CACNA2D1: variants seen among roughly 807,000 people sequenced by gnomAD.
CACNA2D1 encodes calcium voltage-gated channel auxiliary subunit alpha2delta 1, also known as voltage-dependent calcium channel subunit alpha-2/delta-1.
CACNA2D1 carries 53 observed loss-of-function variants against 171.5 expected under a neutral mutation model. The observed-to-expected ratio is 0.31, with a 90% CI of 0.25 to 0.39. The LOEUF (loss-of-function observed/expected upper bound fraction) is 0.39, where lower values mean the gene tolerates loss of function less well. CACNA2D1 is among the 10% of genes least tolerant of loss of function. The pLI is 1.00. For synonymous variants in CACNA2D1, 442 were observed against 443.1 expected (o/e 1.00, Z 0.03); for missense variants, 903 against 1,299.8 (o/e 0.69, Z 4.69).
At chr7:82,028,249 A>C (rs1802197969) in intron 12 of CACNA2D1, 1 of 151,794 alleles carries the variant, frequency 6.6e-6, no homozygotes. Context: ...ATGCTCTGCA[A>C]ATGAACCAAC....
At chr7:82,071,273 G>C (rs925411629) in intron 7 of CACNA2D1, among the ~76,000 whole-genome samples, 8 of 152,170 alleles carry the variant, frequency 5.3e-5, no homozygotes, top group African/African-American at 1.9e-4. Flanking sequence ...ACCAGAAACA[G>C]TGAGATGAGC....
At chr7:82,291,467 TAATA>T (rs1811571604) in intron 3 of CACNA2D1, among the ~76,000 whole-genome samples, 1 of 135,110 alleles carries the variant, frequency 7.4e-6, no homozygotes, top group African/African-American at 2.7e-5. Flanking sequence ...ATTAAATATA[TAATA>T]TATAAAAATA....
intron 7 of CACNA2D1, among the ~76,000 whole-genome samples, chr7:82,072,742 G>A (rs1456947052): frequency 1.3e-5 from 2 of 151,914 alleles, no homozygotes; most frequent in African/African-American, 4.8e-5. Flanking sequence ...TTGGGAACCA[G>A]CCTACCTGGA....
intron 1 of CACNA2D1, among the ~76,000 whole-genome samples, chr7:82,389,703 C>T (rs1341903237): frequency 6.6e-6 from 1 of 152,088 alleles, no homozygotes; most frequent in Admixed American, 6.5e-5. Flanking sequence ...TCTCTGTTTC[C>T]CCATCTTTAA....
chr7:82,318,250 A>G (rs1815351655), intron 3 of CACNA2D1, among the ~76,000 whole-genome samples: 1 of 152,268 alleles, frequency 6.6e-6, no homozygotes, highest in South Asian at 2.1e-4. Context: ...GAATGTCTGC[A>G]TGGTATCTAA....
At chr7:82,429,352 G>A (rs575079953) in intron 1 of CACNA2D1, among the ~76,000 whole-genome samples, 8 of 152,006 alleles carry the variant, frequency 5.3e-5, no homozygotes, top group African/African-American at 1.4e-4. Flanking sequence ...TGATGTATGT[G>A]TTTCTCTGCA....
chr7:82,166,928 C>T (rs1252202484), intron 4 of CACNA2D1, among the ~76,000 whole-genome samples: 1 of 151,956 alleles, frequency 6.6e-6, no homozygotes, highest in East Asian at 1.9e-4. Flanking sequence ...AGTGCTTTGC[C>T]TTTTGTTCTT....
At chr7:81,956,326 G>A (rs887406412) in intron 38 of CACNA2D1, among the ~76,000 whole-genome samples, 5 of 151,758 alleles carry the variant, frequency 3.3e-5, no homozygotes, top group African/African-American at 7.3e-5. Flanking sequence ...CTACTCAAGA[G>A]CAATACTTAC....
At chr7:82,169,088 A>T (rs1052943715) in intron 4 of CACNA2D1, among the ~76,000 whole-genome samples, 1 of 152,074 alleles carries the variant, frequency 6.6e-6, no homozygotes, top group African/African-American at 2.4e-5. Flanking sequence ...TAATGTTGTT[A>T]ATCAAACATA....
At chr7:82,097,970 C>T (rs1038741678) in intron 6 of CACNA2D1, among the ~76,000 whole-genome samples, 9 of 151,728 alleles carry the variant, frequency 5.9e-5, no homozygotes, top group African/African-American at 1.9e-4. Context: ...AAAAATTACT[C>T]GGGCATGGTG....
intron 5 of CACNA2D1, among the ~76,000 whole-genome samples, chr7:82,134,692 T>C (rs1045867451): frequency 2.0e-5 from 3 of 152,200 alleles, no homozygotes; most frequent in Non-Finnish European, 4.4e-5. Context: ...ATACTATTTT[T>C]TTAGATGAGA....
chr7:82,218,468 T>A (rs926510096), intron 3 of CACNA2D1, among the ~76,000 whole-genome samples: 3 of 152,192 alleles, frequency 2.0e-5, no homozygotes, highest in Admixed American at 2.0e-4. Flanking sequence ...ATTTGCAGAC[T>A]TTATTCCAGA....
At position 82,117,554 on chromosome 7, in the gene CACNA2D1, G is replaced by C. The variant is rs562233422; in HGVS notation, c.397-381C>G. Among the ~76,000 whole-genome samples, 117 of 152,248 alleles carry C rather than the reference G, an allele frequency of 7.7e-4. 1 individual carries two copies. The highest frequency in any genetic ancestry group is 2.7e-3 in the African/African-American group (113 of 41,548). On this transcript the variant is annotated intron_variant, in intron 5 of 38. Coordinates refer to ENST00000356860, the MANE Select transcript of CACNA2D1 (RefSeq NM_000722.4). ...TAATCCCAGCACTTTGGGAGGAAGA[G>C]GGGGGCAGATCACTTGAGCCCAGGA...
In CACNA2D1 at chr7:82,277,745, C is replaced by CTTTTTTTTTTTTTT. The variant is rs1186719410; in HGVS notation, c.294+57389_294+57390insAAAAAAAAAAAAAA. Among the ~76,000 whole-genome samples, 2 of 142,094 alleles carry CTTTTTTTTTTTTTT rather than the reference C, an allele frequency of 1.4e-5. 1 individual carries two copies. 93.2% of individuals were successfully genotyped at this position (142,094 alleles called of 152,430 possible). A position where few individuals can be genotyped will look rare whatever the true frequency, so the allele number is the denominator to read the frequency against. On this transcript the variant is annotated intron_variant, in intron 3 of 38. Coordinates refer to ENST00000356860, the MANE Select transcript of CACNA2D1 (RefSeq NM_000722.4). ...GCATATTTGATTTTTTAATTTTTTA[C>CTTTTTTTTTTTTTT]TTTTATTTTTTTTTTTTTGAGATGG...
rs116147265 is a variant in CACNA2D1, at chr7:82,121,546, A to G, written c.397-4373T>C. On this transcript the variant is annotated intron_variant, in intron 5 of 38. Transcript: ENST00000356860. ...ATGAATCTAGTACAATGACAATAAG[A>G]ACATAACTGAGCCTTCTGATTTCAT... Among the ~76,000 whole-genome samples the G allele has an allele frequency of 3.3e-3, 503 of 152,244 alleles. 6 individuals are homozygous for G. The highest frequency in any genetic ancestry group is 0.028 in the South Asian group (137 of 4,826).
chr7:81,969,362 C>T (rs1206349067), intron 28 of CACNA2D1, among the ~76,000 whole-genome samples: 6 of 151,394 alleles, frequency 4.0e-5, no homozygotes, highest in African/African-American at 1.5e-4. Flanking sequence ...CTGGGCAAAA[C>T]TTTGAAATTC....
chr7:82,175,913 C>T (rs116715418), intron 3 of CACNA2D1, among the ~76,000 whole-genome samples: 3 of 150,430 alleles, frequency 2.0e-5, no homozygotes, highest in Admixed American at 6.6e-5. Context: ...CTCTTCAACA[C>T]GTACATATGA....
intron 31 of CACNA2D1, among the ~76,000 whole-genome samples, chr7:81,965,895 A>G (rs1794663589): frequency 6.6e-6 from 1 of 151,826 alleles, no homozygotes; most frequent in African/African-American, 2.4e-5. Flanking sequence ...GAGACTGTCA[A>G]TTCAGTCTGA....
chr7:82,047,061 C>A (rs1804636905), intron 10 of CACNA2D1, among the ~76,000 whole-genome samples: 1 of 152,018 alleles, frequency 6.6e-6, no homozygotes, highest in South Asian at 2.1e-4. Context: ...TTAGGATCCC[C>A]CTGCATCTCC....
Sources: allele counts gnomAD v4.1 joint callset (sites outside exome capture counted in the v4.1 genomes callset), GRCh38; gene constraint gnomAD v4.1.1; transcripts MANE v1.5; gene names NCBI Gene and HGNC (gene_info 2026-07-23, HGNC 2026-07-21).